The following KALRN variants were observed in gnomAD, a reference collection of about 807,000 sequenced individuals.
KALRN encodes kalirin.
KALRN carries 70 observed loss-of-function variants against 353.7 expected under a neutral mutation model. The ratio of observed to expected loss-of-function variants is 0.20; its 90% CI spans 0.16 to 0.24. KALRN has a LOEUF of 0.24. Among genes scored for constraint, KALRN ranks in the 10% least tolerant of loss-of-function variants. The probability of loss-of-function intolerance (pLI) is 1.00; values close to 1 mark genes in which losing one functional copy is unlikely to be tolerated. For missense variants in KALRN, 2,791 were observed against 3,756.7 expected, an observed-to-expected ratio of 0.74 and a Z score of 6.72; for synonymous variants, 1,391 against 1,434.8, an observed-to-expected ratio of 0.97 and a Z score of 0.69.
chr3:124,326,726 G>C (rs2079952809), intron 7 of KALRN, among the ~76,000 whole-genome samples: 1 of 152,228 alleles, frequency 6.6e-6, no homozygotes, highest in South Asian at 2.1e-4. Context: ...TGATTGGCCT[G>C]CCTAAGATCC....
intron 15 of KALRN, among the ~76,000 whole-genome samples, chr3:124,426,171 C>T (rs370639779): frequency 3.9e-4 from 59 of 152,132 alleles, no homozygotes; most frequent in East Asian, 1.2e-3. Context: ...CCTTAGGGAG[C>T]GCTTTGATCC....
chr3:124,041,485 A>G (rs1463115727), intron 1 of KALRN, among the ~76,000 whole-genome samples: 1 of 152,196 alleles, frequency 6.6e-6, no homozygotes, highest in East Asian at 1.9e-4. Flanking sequence ...CAGTCCAGGA[A>G]GAGATGCAGT....
At chr3:124,067,697 T>C (rs1272292794) in intron 1 of KALRN, among the ~76,000 whole-genome samples, 2 of 152,200 alleles carry the variant, frequency 1.3e-5, no homozygotes, top group African/African-American at 4.8e-5. Flanking sequence ...GAAACCAGAA[T>C]TGAGAAGCGA....
chr3:124,688,121 G>T (rs571102977), intron 51 of KALRN, among the ~76,000 whole-genome samples: 3 of 152,088 alleles, frequency 2.0e-5, no homozygotes, highest in African/African-American at 7.2e-5. Flanking sequence ...AGACCAGCTG[G>T]GCAACATGGC....
At chr3:124,116,876 G>A (rs765953283) in intron 1 of KALRN, among the ~76,000 whole-genome samples, 25 of 152,108 alleles carry the variant, frequency 1.6e-4, no homozygotes, top group Admixed American at 3.3e-4. Flanking sequence ...ATAAAACCAC[G>A]CATAAGGAGA....
intron 34 of KALRN, among the ~76,000 whole-genome samples, chr3:124,590,173 G>T (rs531377109): frequency 1.3e-5 from 2 of 152,214 alleles, no homozygotes; most frequent in East Asian, 1.9e-4. Context: ...GGTGATAGGT[G>T]TATCATTTAT....
intron 27 of KALRN, among the ~76,000 whole-genome samples, chr3:124,480,362 A>T (rs1296217388): frequency 1.3e-5 from 2 of 152,176 alleles, no homozygotes; most frequent in Non-Finnish European, 2.9e-5. Context: ...CATTGGAATA[A>T]TTTTTTAAAT....
At chr3:124,331,521 G>C (rs2080555904) in intron 8 of KALRN, among the ~76,000 whole-genome samples, 1 of 152,172 alleles carries the variant, frequency 6.6e-6, no homozygotes, top group South Asian at 2.1e-4. Flanking sequence ...GTGTCTGACA[G>C]TAATGAATAC....
chr3:124,332,605 T>C lies in KALRN; in HGVS notation c.1417-1660T>C, dbSNP rs547851894. Among the ~76,000 whole-genome samples, 5 of 152,222 alleles carry C rather than the reference T, an allele frequency of 3.3e-5. No individual in the cohort carries two copies. The East Asian group carries it at 9.7e-4, about 30-fold the overall frequency. ...TAGGTGTTGATTGTATGTGTCATTT[T>C]CCAGAATTATTGATGCCCGTGATTG... On this transcript the variant is annotated intron_variant, in intron 8 of 59. Transcript: ENST00000682506.
At chr3:124,505,037 G>A (rs1355343317) in intron 33 of KALRN, 3 of 469,896 alleles carry the variant, frequency 6.4e-6, no homozygotes, top group Admixed American at 4.7e-5. Context: ...AGCAAAGCTT[G>A]GAGCCTGCAG....
At chr3:124,109,753 A>G (rs58459691) in intron 1 of KALRN, among the ~76,000 whole-genome samples, 1,657 of 125,004 alleles carry the variant, frequency 0.013, 26 homozygotes, top group African/African-American at 0.047. Flanking sequence ...TGACATATAT[A>G]TCATACTTTG....
chr3:124,434,211 C>A, intron 16 of KALRN, 96 bp from the exon 17 acceptor site: 1 of 794,168 alleles, frequency 1.3e-6, no homozygotes, highest in East Asian at 2.7e-5. Context: ...AGCTCTTTAA[C>A]TTCTCTGCAT....
chr3:124,452,876 C>T (rs2058934861), intron 21 of KALRN, among the ~76,000 whole-genome samples: 1 of 152,204 alleles, frequency 6.6e-6, no homozygotes, highest in Non-Finnish European at 1.5e-5. Context: ...CCTAGTATGG[C>T]TGCTGCCACC....
chr3:124,497,982 C>T (rs2064058582), intron 33 of KALRN, among the ~76,000 whole-genome samples: 2 of 152,172 alleles, frequency 1.3e-5, no homozygotes, highest in African/African-American at 4.8e-5. Context: ...GACTAGAAGA[C>T]CTTTGACGGC....
intron 33 of KALRN, among the ~76,000 whole-genome samples, chr3:124,507,052 C>A (rs535036114): frequency 6.6e-6 from 1 of 152,002 alleles, no homozygotes; most frequent in South Asian, 2.1e-4. Context: ...CCTGAATATG[C>A]CCAATTTTGA....
chr3:124,036,058 T>C (rs1400846071), intron 1 of KALRN, among the ~76,000 whole-genome samples: 1 of 152,232 alleles, frequency 6.6e-6, no homozygotes, highest in African/African-American at 2.4e-5. Context: ...TTTTTATTTT[T>C]ATTTTTTGTT....
chr3:124,671,987 C>A, intron 48 of KALRN, 89 bp downstream of exon 48: 3 of 1,019,912 alleles, frequency 2.9e-6, no homozygotes, highest in South Asian at 1.4e-5. Flanking sequence ...CTCGGTCTGT[C>A]ATCCAGGCTG....
At chr3:124,475,200 C>T (rs2061326593) in intron 26 of KALRN, among the ~76,000 whole-genome samples, 1 of 152,158 alleles carries the variant, frequency 6.6e-6, no homozygotes, top group Non-Finnish European at 1.5e-5. Flanking sequence ...TGTCCATCTC[C>T]TCAAGCATGT....
chr3:124,113,447 T>C (rs1372775748), intron 1 of KALRN, among the ~76,000 whole-genome samples: 1 of 152,130 alleles, frequency 6.6e-6, no homozygotes, highest in Non-Finnish European at 1.5e-5. Flanking sequence ...GGAGATAGAA[T>C]ATGCATGTGA....
Sources: allele counts gnomAD v4.1 joint callset (sites outside exome capture counted in the v4.1 genomes callset), GRCh38; gene constraint gnomAD v4.1.1; transcripts MANE v1.5; gene names NCBI Gene and HGNC (gene_info 2026-07-23, HGNC 2026-07-21).